Variants in CEP97 observed in about 807,000 individuals in gnomAD.
CEP97 encodes the protein centrosomal protein of 97 kDa.
A neutral mutation model predicts 73.1 loss-of-function variants in CEP97; 43 were observed. That is an observed-to-expected ratio of 0.59 (90% confidence interval 0.46 to 0.76). The LOEUF (loss-of-function observed/expected upper bound fraction) is 0.76. Ranked by LOEUF, CEP97 falls within the 30% of genes least tolerant of loss-of-function variation. The probability of loss-of-function intolerance (pLI) is 0.00; values close to 1 mark genes in which losing one functional copy is unlikely to be tolerated. For synonymous variants in CEP97, 337 were observed against 370.0 expected (o/e 0.91, Z 1.02); for missense variants, 939 against 1,014.0 (o/e 0.93, Z 1.00).
At chr3:101,736,034 G>A (rs956818550) in intron 6 of CEP97, among the ~76,000 whole-genome samples, 1 of 152,184 alleles carries the variant, frequency 6.6e-6, no homozygotes, top group African/African-American at 2.4e-5. Flanking sequence ...CTTTACCGAG[G>A]TGCGAATAGG....
intron 6 of CEP97, among the ~76,000 whole-genome samples, chr3:101,740,508 G>C (rs1938415163): frequency 6.6e-6 from 1 of 151,830 alleles, no homozygotes; most frequent in Non-Finnish European, 1.5e-5. Context: ...TCATGCATAG[G>C]AAGAATCAAT....
At chr3:101,758,839 A>G (rs1939094993) in intron 9 of CEP97, 3 of 167,646 alleles carry the variant, frequency 1.8e-5, no homozygotes, top group African/African-American at 7.2e-5. Flanking sequence ...ATTCTATATG[A>G]CTACAATAGG....
intron 6 of CEP97, among the ~76,000 whole-genome samples, chr3:101,745,799 C>T (rs1056639731): frequency 6.6e-6 from 1 of 151,628 alleles, no homozygotes; most frequent in Non-Finnish European, 1.5e-5. Context: ...TACATGTGCA[C>T]AATGTGCAGG....
At chr3:101,730,752 A>G (rs886383309) in intron 4 of CEP97, among the ~76,000 whole-genome samples, 2 of 152,194 alleles carry the variant, frequency 1.3e-5, no homozygotes, top group Non-Finnish European at 2.9e-5. Flanking sequence ...AAAAACATGT[A>G]GAACATTTTA....
intron 2 of CEP97, 71 bp downstream of exon 2, chr3:101,726,807 G>C: frequency 8.4e-7 from 1 of 1,184,310 alleles, no homozygotes; most frequent in Non-Finnish European, 1.2e-6. Flanking sequence ...AAAATAACCT[G>C]ACAAAAAGTA....
At chr3:101,749,003 T>C (rs1055636064) in intron 6 of CEP97, among the ~76,000 whole-genome samples, 7 of 152,190 alleles carry the variant, frequency 4.6e-5, no homozygotes, top group Non-Finnish European at 1.0e-4. Flanking sequence ...TAAATTTTAT[T>C]GTTATTATAC....
At chr3:101,737,540 A>T (rs957627860) in intron 6 of CEP97, among the ~76,000 whole-genome samples, 2 of 152,240 alleles carry the variant, frequency 1.3e-5, no homozygotes, top group African/African-American at 4.8e-5. Flanking sequence ...GATATTCAAC[A>T]TTCTTAAAGA....
chr3:101,747,810 T>C (rs2107165357), intron 6 of CEP97, among the ~76,000 whole-genome samples: 1 of 151,908 alleles, frequency 6.6e-6, no homozygotes, highest in African/African-American at 2.4e-5. Flanking sequence ...AGTGGAATCA[T>C]AATGCAATGA....
chr3:101,742,672 T>C (rs1247770913), intron 6 of CEP97, among the ~76,000 whole-genome samples: 1 of 150,988 alleles, frequency 6.6e-6, no homozygotes, highest in Admixed American at 6.6e-5. Flanking sequence ...CACCATGGCA[T>C]GCGTATACCT....
intron 6 of CEP97, among the ~76,000 whole-genome samples, chr3:101,733,777 G>A (rs1254923761): frequency 3.3e-5 from 5 of 151,964 alleles, no homozygotes; most frequent in Non-Finnish European, 5.9e-5. Flanking sequence ...TGATCCACCC[G>A]CCTCGGCCTC....
chr3:101,758,708 A>G (rs563043400), intron 9 of CEP97: 1 of 309,994 alleles, frequency 3.2e-6, no homozygotes, highest in Non-Finnish European at 6.0e-6. Flanking sequence ...TTCTAAACAT[A>G]GAAAGGTACA....
chr3:101,724,691 C>G lies in CEP97; in HGVS notation c.15C>G (p.Arg5=). 6.2e-7 allele frequency: 1 copy of G among 1,614,204 alleles called. No individual in the cohort carries two copies. The highest frequency in any genetic ancestry group is 1.7e-4 in the Middle Eastern group (1 of 6,060). The change falls in exon 1 of 11, where the codon CGC becomes CGG. Residue 5 remains arginine (R), a synonymous_variant. Coordinates refer to ENST00000341893, the MANE Select transcript of CEP97 (RefSeq NM_024548.4). Reference sequence around the variant, plus strand: ...AAGCAGCAAATATGGCGGTGGCGCGCGTGGACGCGGCTTTGCCTCCCGGAG... The same window carrying G: ...AAGCAGCAAATATGGCGGTGGCGCGGGTGGACGCGGCTTTGCCTCCCGGAG... MAVA[R]VDAALPPGEG... is the part of the protein sequence containing the mutation.
At chr3:101,734,891 C>G (rs1210521783) in intron 6 of CEP97, among the ~76,000 whole-genome samples, 1 of 152,122 alleles carries the variant, frequency 6.6e-6, no homozygotes, top group Non-Finnish European at 1.5e-5. Flanking sequence ...AGAGATGAGA[C>G]CTGCTTACGA....
Position 101,724,672 on chromosome 3 carries a change from C to T in CEP97, c.-5C>T. On this transcript the variant is annotated 5_prime_UTR_variant, in exon 1 of 11. Transcript: ENST00000341893. The stretch of plus-strand genomic sequence containing the variant: ...GTTGCCTGGTATTATTAGCAAGCAG[C>T]AAATATGGCGGTGGCGCGCGTGGAC... 2 of 1,614,208 alleles carry T rather than the reference C, an allele frequency of 1.2e-6. No homozygotes were observed. The highest frequency in any genetic ancestry group is 1.1e-5 in the South Asian group (1 of 91,084).
chr3:101,725,861 A>C, intron 1 of CEP97, among the ~76,000 whole-genome samples: 1 of 145,116 alleles, frequency 6.9e-6, no homozygotes. Context: ...CGATGTTCTC[A>C]GTCCTTTTTT....
intron 6 of CEP97, among the ~76,000 whole-genome samples, chr3:101,751,920 T>G (rs947306737): frequency 6.6e-6 from 1 of 152,156 alleles, no homozygotes; most frequent in South Asian, 2.1e-4. Flanking sequence ...ACATTTAAAG[T>G]TAATATTGTT....
intron 1 of CEP97, 51 bp from the exon 2 acceptor site, chr3:101,726,543 G>C: frequency 6.9e-7 from 1 of 1,443,420 alleles, no homozygotes; most frequent in East Asian, 2.4e-5. Context: ...CTTAGCTGTT[G>C]TACATGTTTT....
In CEP97 at chr3:101,764,910, G is replaced by T. The variant is rs764649414; in HGVS notation, c.1957G>T (p.Val653Phe). 7 of 1,613,998 alleles carry T rather than the reference G, an allele frequency of 4.3e-6. No individual in the cohort carries two copies. The highest frequency in any genetic ancestry group is 5.9e-6 in the Non-Finnish European group (7 of 1,180,018). The change falls in exon 11 of 11, where the codon GTT becomes TTT. Residue 653 changes from valine (V) to phenylalanine (F), a missense_variant. Transcript: ENST00000341893. ...DQRLSSWHTD[V>F]PPISSTLVPS... ...GCGTCTAAGTTCCTGGCATACTGAT[G>T]TTCCTCCTATATCAAGTACTCTTGT... is the stretch of plus-strand genomic sequence containing the variant.
intron 6 of CEP97, among the ~76,000 whole-genome samples, chr3:101,753,031 A>C (rs1280758727): frequency 1.3e-5 from 2 of 151,834 alleles, no homozygotes; most frequent in Non-Finnish European, 2.9e-5. Flanking sequence ...GGTTTTATCT[A>C]CTTTTGGTCT....
Sources: gnomAD v4.1 joint callset for allele counts (sites outside exome capture counted in the v4.1 genomes callset) on GRCh38, gnomAD v4.1.1 for gene constraint, MANE v1.5 for transcripts, NCBI Gene and HGNC (gene_info 2026-07-23, HGNC 2026-07-21) for gene names.